The following TMEM8B variants were observed in gnomAD, a reference collection of about 807,000 sequenced individuals.
TMEM8B encodes nasopharyngeal carcinoma expressed 6.
TMEM8B carries 29 observed loss-of-function variants against 49.3 expected under a neutral mutation model. That is an observed-to-expected ratio of 0.59 (90% CI 0.44 to 0.80). TMEM8B has a LOEUF of 0.80. TMEM8B is among the 30% of genes least tolerant of loss of function. The pLI, the probability that TMEM8B is intolerant of heterozygous loss-of-function variation, is 0.00. For missense variants in TMEM8B, 575 were observed against 658.5 expected (o/e 0.87, Z 1.39); for synonymous variants, 264 against 272.8 (o/e 0.97, Z 0.32).
At chr9:35,831,320 C>G (rs1829871114) in intron 1 of TMEM8B, among the ~76,000 whole-genome samples, 1 of 152,076 alleles carries the variant, frequency 6.6e-6, no homozygotes, top group Admixed American at 6.5e-5. Flanking sequence ...ATGTTGTGGC[C>G]CATGTACATT....
rs765691581 is a variant in TMEM8B, at chr9:35,853,129, CT to C, written c.2323-11del. On this transcript the variant is annotated splice_polypyrimidine_tract_variant and intron_variant, in intron 11 of 12. Coordinates refer to ENST00000643932, the MANE Select transcript of TMEM8B (RefSeq NM_001042590.4). The surrounding 1 kb of genome is among the most constrained non-coding windows in gnomAD (Gnocchi z 4.2). ...CCTGGCCCTAGCCCAGCCCTTGAGT[CT>C]CTTTCTCTAGGTGCTGTATTTGCTG... is the stretch of plus-strand genomic sequence containing the variant. The C allele has an allele frequency of 5.0e-6, 8 of 1,612,170 alleles. No homozygotes were observed. The highest frequency in any genetic ancestry group is 1.3e-5 in the African/African-American group (1 of 75,028).
chr9:35,851,716 A>G (rs1404652635), intron 10 of TMEM8B, among the ~76,000 whole-genome samples: 2 of 152,202 alleles, frequency 1.3e-5, no homozygotes, highest in African/African-American at 4.8e-5. Context: ...AATTTAAAGG[A>G]ATCAAACCCA....
At position 35,841,700 on chromosome 9, in the gene TMEM8B, GC is replaced by G. The variant is rs1242502035; in HGVS notation, c.1221del (p.Trp408GlyfsTer46). On this transcript the variant is annotated frameshift_variant, in exon 5 of 13. Transcript: ENST00000643932. LOFTEE classifies it high-confidence loss of function. The surrounding 1 kb of genome is among the most constrained non-coding windows in gnomAD (Gnocchi z 5.9). ...ASGCQLELALPPWGHWVYVRV... is the reference protein window; with the variant it reads ...ASGCQLELALXPWGHWVYVRV... ...CAGGATGCCAGCTGGAGCTGGCACT[GC>G]CCCCCTGGGGGCACTGGGTCTACGT... The G allele has an allele frequency of 4.8e-6, 2 of 415,746 alleles. No homozygotes were observed. Among genetic ancestry groups the G allele is most frequent in the African/African-American group, 2.1e-5 (1 of 48,674 alleles). 25.8% of individuals were successfully genotyped at this position (415,746 alleles called of 1,614,324 possible). A position where few individuals can be genotyped will look rare whatever the true frequency, so the allele number is the denominator to read the frequency against.
At position 35,846,853 on chromosome 9, in the gene TMEM8B, C is replaced by T. The variant is rs1255384803; in HGVS notation, c.2033C>T (p.Ala678Val). Reference sequence around the variant, plus strand: ...TGGGGCTGCACCGACAGTGCAGATGCGCTCACCTATGGATTCCAGCTGCTG... The same window carrying T: ...TGGGGCTGCACCGACAGTGCAGATGTGCTCACCTATGGATTCCAGCTGCTG... ...RGWGCTDSAD[A>V]LTYGFQLLST... Residue 678 changes from alanine (A) to valine (V), a missense_variant, in exon 10 of 13, where the codon GCG (alanine) becomes GTG (valine). Coordinates refer to ENST00000643932, the MANE Select transcript of TMEM8B (RefSeq NM_001042590.4). The T allele has an allele frequency of 1.2e-6, 2 of 1,614,106 alleles. No homozygotes were observed. Among genetic ancestry groups the T allele is most frequent in the Non-Finnish European group, 1.7e-6 (2 of 1,180,004 alleles).
Position 35,853,984 on chromosome 9 carries a change from C to G in TMEM8B, c.*144C>G, listed in dbSNP as rs868066510. On this transcript the variant is annotated 3_prime_UTR_variant, in exon 13 of 13. Transcript: ENST00000643932. This position sits in a 1 kb window ranked among gnomAD's most constrained non-coding sequence, Gnocchi z 4.2. ...AAGGACACAAAACTCTTCCAGGGAC[C>G]TGGAGCCCTTCCCAGGACATGGAGA... 4.2e-5 allele frequency: 57 copies of G among 1,362,736 alleles called. 1 individual carries two copies. In the African/African-American group the frequency reaches 6.8e-4, roughly 16 times the overall value. The allele number at this position is 1,362,736 out of a possible 1,614,324, so 84.4% of individuals were successfully genotyped here.
rs1832699758 is a variant in TMEM8B at position 35,864,358 on chromosome 9, GATAGGGGC to G, written c.*10522_*10529del. The G allele has an allele frequency of 6.6e-6, 1 of 152,178 alleles. No individual in the cohort carries two copies. Among genetic ancestry groups the G allele is most frequent in the African/African-American group, 2.4e-5 (1 of 41,434 alleles). 9.4% of individuals were successfully genotyped at this position (152,178 alleles called of 1,614,324 possible). On this transcript the variant is annotated 3_prime_UTR_variant, in exon 13 of 13. Coordinates refer to ENST00000643932, the MANE Select transcript of TMEM8B (RefSeq NM_001042590.4). ...CTTCACAAATTATTTTAAAAGAAAA[GATAGGGGC>G]ATAACAAGAAGAAAGCTTCGGTTAC...
rs12554095 is a variant in TMEM8B at position 35,856,637 on chromosome 9, G to A, written c.*2797G>A. 13,883 of 152,286 alleles carry A rather than the reference G, an allele frequency of 0.091. 839 individuals are homozygous for A. The highest frequency in any genetic ancestry group is 0.26 in the Middle Eastern group (76 of 294). 9.4% of individuals were successfully genotyped at this position (152,286 alleles called of 1,614,324 possible). On this transcript the variant is annotated 3_prime_UTR_variant, in exon 13 of 13. Coordinates refer to ENST00000643932, the MANE Select transcript of TMEM8B (RefSeq NM_001042590.4). ...CTATTGGAACATTTGAAAGAGAAAT[G>A]GTGAAGCCTTCTTAAAGCAATATCG...
Position 35,864,185 on chromosome 9 carries a change from T to C in TMEM8B, c.*10345T>C, listed in dbSNP as rs948653830. 4 of 152,244 alleles carry C rather than the reference T, an allele frequency of 2.6e-5. No homozygotes were observed. Among genetic ancestry groups the C allele is most frequent in the Non-Finnish European group, 5.9e-5 (4 of 68,042 alleles). 9.4% of individuals were successfully genotyped at this position (152,244 alleles called of 1,614,324 possible). A position where few individuals can be genotyped will look rare whatever the true frequency, so the allele number is the denominator to read the frequency against. On this transcript the variant is annotated 3_prime_UTR_variant, in exon 13 of 13. Coordinates refer to ENST00000643932, the MANE Select transcript of TMEM8B (RefSeq NM_001042590.4). ...GGAGCCAATTAAGCGATCTCCGATA[T>C]GCTGTAATCTCTGAAACATTTCCTC...
rs896923152 is a variant in TMEM8B at position 35,864,685 on chromosome 9, C to G, written c.*10845C>G. ...TATTATTACCATCCTGTCCCTATCCCTGTCCCCCAGCAAATATTTTGGCTT... is the reference window on the plus strand; with the variant it reads ...TATTATTACCATCCTGTCCCTATCCGTGTCCCCCAGCAAATATTTTGGCTT... On this transcript the variant is annotated 3_prime_UTR_variant, in exon 13 of 13. Coordinates refer to ENST00000643932, the MANE Select transcript of TMEM8B (RefSeq NM_001042590.4). 2 of 152,270 alleles carry G rather than the reference C, an allele frequency of 1.3e-5. No homozygotes were observed. The highest frequency in any genetic ancestry group is 4.8e-5 in the African/African-American group (2 of 41,466). The allele number at this position is 152,270 out of a possible 1,614,324, so 9.4% of individuals were successfully genotyped here. A position where few individuals can be genotyped will look rare whatever the true frequency, so the allele number is the denominator to read the frequency against.
intron 3 of TMEM8B, among the ~76,000 whole-genome samples, chr9:35,837,905 C>A (rs1003447535): frequency 6.6e-6 from 1 of 152,062 alleles, no homozygotes; most frequent in Non-Finnish European, 1.5e-5. Flanking sequence ...CCATTTGGCA[C>A]CCAAATGGCT....
At chr9:35,849,413 A>G (rs1272923201) in intron 10 of TMEM8B, among the ~76,000 whole-genome samples, 4 of 152,282 alleles carry the variant, frequency 2.6e-5, no homozygotes, top group Non-Finnish European at 5.9e-5. Context: ...CAATTCAGAT[A>G]ATGATTACAA....
chr9:35,854,430 T>C lies in TMEM8B; in HGVS notation c.*590T>C, dbSNP rs1436395380. 2.0e-5 allele frequency: 3 copies of C among 152,562 alleles called. No homozygotes were observed. Among genetic ancestry groups the C allele is most frequent in the African/African-American group, 7.3e-5 (3 of 41,378 alleles). 9.5% of individuals were successfully genotyped at this position (152,562 alleles called of 1,614,324 possible). ...TCTCCAGTGATTGATTGGTTCAGAA[T>C]GGTTCTGTGATGCCTTTTTTCCCCC... On this transcript the variant is annotated 3_prime_UTR_variant, in exon 13 of 13. Coordinates refer to ENST00000643932, the MANE Select transcript of TMEM8B (RefSeq NM_001042590.4).
chr9:35,849,149 A>G (rs1245721924), intron 10 of TMEM8B, among the ~76,000 whole-genome samples: 4 of 152,042 alleles, frequency 2.6e-5, no homozygotes, highest in Non-Finnish European at 5.9e-5. Context: ...GACTTATTTC[A>G]TTCTGCAGCA....
At position 35,861,109 on chromosome 9, in the gene TMEM8B, T is replaced by G. The variant is rs926352208; in HGVS notation, c.*7269T>G. The G allele has an allele frequency of 1.3e-5, 2 of 152,234 alleles. No homozygotes were observed. The highest frequency in any genetic ancestry group is 4.8e-5 in the African/African-American group (2 of 41,460). The allele number at this position is 152,234 out of a possible 1,614,324, so 9.4% of individuals were successfully genotyped here. On this transcript the variant is annotated 3_prime_UTR_variant, in exon 13 of 13. Transcript: ENST00000643932. ...TATCACTCAGAAGATATAATCCACCTCTCCCCTCCTGCCCTTCGCTCCTGG... is the reference window on the plus strand; with the variant it reads ...TATCACTCAGAAGATATAATCCACCGCTCCCCTCCTGCCCTTCGCTCCTGG...
chr9:35,846,854 G>T lies in TMEM8B; in HGVS notation c.2034G>T (p.Ala678=), dbSNP rs767418902. ...GGGGCTGCACCGACAGTGCAGATGC[G>T]CTCACCTATGGATTCCAGCTGCTGT... ...RGWGCTDSAD[A]LTYGFQLLST... The change falls in exon 10 of 13, where the codon GCG becomes GCT. Residue 678 remains alanine, a synonymous_variant. Transcript: ENST00000643932. 3 of 1,614,138 alleles carry T rather than the reference G, an allele frequency of 1.9e-6. No homozygotes were observed. In the South Asian group the frequency reaches 3.3e-5, roughly 18 times the overall value.
chr9:35,847,300 A>G lies in TMEM8B; in HGVS notation c.2175+305A>G, dbSNP rs940637414. On this transcript the variant is annotated intron_variant, in intron 10 of 12. Coordinates refer to ENST00000643932, the MANE Select transcript of TMEM8B (RefSeq NM_001042590.4). ...CTTTACTCAAATCATGGGCCAAGAA[A>G]CTGGCCTAAAGTATGGATTTGTGTC... 17 of 723,718 alleles carry G rather than the reference A, an allele frequency of 2.3e-5. No individual in the cohort carries two copies. In the African/African-American group the frequency reaches 3.0e-4, roughly 13 times the overall value. 44.8% of individuals were successfully genotyped at this position (723,718 alleles called of 1,614,324 possible).
chr9:35,854,979 G>A lies in TMEM8B; in HGVS notation c.*1139G>A, dbSNP rs928434072. 6.6e-6 allele frequency: 1 copy of A among 152,186 alleles called. No homozygotes were observed. The highest frequency in any genetic ancestry group is 2.4e-5 in the African/African-American group (1 of 41,420). 9.4% of individuals were successfully genotyped at this position (152,186 alleles called of 1,614,324 possible). ...GAGAGCATTCTCACTGATCACCAGTGTCCATACTTCATCCATCCCCGGGAT... is the reference window on the plus strand; with the variant it reads ...GAGAGCATTCTCACTGATCACCAGTATCCATACTTCATCCATCCCCGGGAT... On this transcript the variant is annotated 3_prime_UTR_variant, in exon 13 of 13. Transcript: ENST00000643932.
At chr9:35,847,617 A>G (rs1831732991) in intron 10 of TMEM8B, among the ~76,000 whole-genome samples, 1 of 152,232 alleles carries the variant, frequency 6.6e-6, no homozygotes, top group African/African-American at 2.4e-5. Flanking sequence ...TCTGACTCTC[A>G]GAGTCCTGAG....
chr9:35,833,562 T>C (rs1830130500), intron 1 of TMEM8B, among the ~76,000 whole-genome samples: 1 of 152,154 alleles, frequency 6.6e-6, no homozygotes. Flanking sequence ...TCAGGTATCT[T>C]GGCATTTTAA....
Sources: allele counts gnomAD v4.1 joint callset (sites outside exome capture counted in the v4.1 genomes callset), GRCh38; gene constraint gnomAD v4.1.1; non-coding constraint Gnocchi (gnomAD v3.1); transcripts MANE v1.5; gene names NCBI Gene and HGNC (gene_info 2026-07-23, HGNC 2026-07-21).